Variants in IL1RAPL2 observed in about 807,000 individuals in gnomAD.
IL1RAPL2 encodes the protein X-linked interleukin-1 receptor accessory protein-like 2.
In IL1RAPL2, 3 loss-of-function variants were observed where a neutral mutation model predicts 44.1. The ratio of observed to expected loss-of-function variants is 0.07; its 90% CI spans 0.03 to 0.18. The LOEUF is 0.18. Among genes scored for constraint, IL1RAPL2 ranks in the 10% least tolerant of loss-of-function variants. IL1RAPL2 has a pLI of 1.00. For synonymous variants in IL1RAPL2, 181 were observed against 178.8 expected (o/e 1.01, Z -0.10); for missense variants, 391 against 496.4 (o/e 0.79, Z 2.02).
intron 6 of IL1RAPL2, among the ~76,000 whole-genome samples, chrX:105,697,265 TA>T (rs1247075515): frequency 1.1e-5 from 1 of 95,129 alleles, no homozygotes; most frequent in Non-Finnish European, 2.1e-5. Flanking sequence ...ACATCCAAAC[TA>T]TATCAGTGGC....
At chrX:104,632,869 A>T (rs1929686166) in intron 1 of IL1RAPL2, among the ~76,000 whole-genome samples, 1 of 110,741 alleles carries the variant, frequency 9.0e-6, no homozygotes, top group South Asian at 3.9e-4. Flanking sequence ...CAGAACTTCC[A>T]ACACTATGTT....
At chrX:105,688,222 G>A (rs1299899702) in intron 6 of IL1RAPL2, among the ~76,000 whole-genome samples, 2 of 111,502 alleles carry the variant, frequency 1.8e-5, no homozygotes, top group African/African-American at 3.3e-5. Context: ...TTCTGGCAAG[G>A]GCAATCAGGC....
intron 7 of IL1RAPL2, among the ~76,000 whole-genome samples, chrX:105,738,867 G>A (rs779558638): frequency 1.8e-5 from 2 of 110,491 alleles, no homozygotes; most frequent in Non-Finnish European, 3.8e-5. Context: ...AGAAAATGTT[G>A]CAGAGGGCTT....
At chrX:105,419,115 G>A (rs1191619024) in intron 5 of IL1RAPL2, among the ~76,000 whole-genome samples, 6 of 111,687 alleles carry the variant, frequency 5.4e-5, no homozygotes, top group Admixed American at 3.8e-4. Context: ...CATCTATAAC[G>A]TGCAATTGCT....
intron 2 of IL1RAPL2, among the ~76,000 whole-genome samples, chrX:104,948,289 T>G (rs1356528654): frequency 9.1e-6 from 1 of 109,574 alleles, no homozygotes; most frequent in Non-Finnish European, 1.9e-5. Context: ...CTTTGCTGAA[T>G]TTGCTTATCA....
intron 2 of IL1RAPL2, among the ~76,000 whole-genome samples, chrX:104,752,907 C>T (rs184899104): frequency 7.1e-4 from 78 of 110,076 alleles, no homozygotes; most frequent in Admixed American, 5.5e-3. Context: ...GACCCCTTGA[C>T]CAGGTCATGG....
At chrX:105,386,580 G>A (rs140276755) in intron 5 of IL1RAPL2, among the ~76,000 whole-genome samples, 1,923 of 111,456 alleles carry the variant, frequency 0.017, 41 homozygotes, top group African/African-American at 0.06. Flanking sequence ...TCATCATGAG[G>A]TGATCACCTA....
In IL1RAPL2 at chrX:105,164,094, GAA is replaced by G. The variant is rs5903261; in HGVS notation, c.83-31370_83-31369del. Among the ~76,000 whole-genome samples the G allele has an allele frequency of 6.5e-3, 671 of 102,503 alleles. 7 individuals are homozygous for G. Among genetic ancestry groups the G allele is most frequent in the African/African-American group, 0.021 (604 of 28,274 alleles). 89.0% of individuals were successfully genotyped at this position (102,503 alleles called of 115,157 possible). On this transcript the variant is annotated intron_variant, in intron 2 of 10. Coordinates refer to ENST00000372582, the MANE Select transcript of IL1RAPL2 (RefSeq NM_017416.2). ...CCTAAAATGATTTCAATTGCCTTTG[GAA>G]AAAAAAAAAACAAGCAGAAATCTTG...
At chrX:105,085,521 T>C (rs1022760606) in intron 2 of IL1RAPL2, among the ~76,000 whole-genome samples, 1 of 112,454 alleles carries the variant, frequency 8.9e-6, no homozygotes, top group Non-Finnish European at 1.9e-5. Flanking sequence ...AGGTGAAAGA[T>C]AAATGTTGGC....
intron 5 of IL1RAPL2, among the ~76,000 whole-genome samples, chrX:105,464,611 A>G: frequency 8.9e-6 from 1 of 112,087 alleles, no homozygotes; most frequent in Non-Finnish European, 1.9e-5. Context: ...AAGTAAAATA[A>G]TTATTAACCC....
intron 3 of IL1RAPL2, chrX:105,218,904 T>G: frequency 1.7e-5 from 13 of 771,977 alleles, no homozygotes; most frequent in African/African-American, 2.3e-5. Context: ...AAGCCTGCCC[T>G]CTGAAAATTA....
intron 2 of IL1RAPL2, among the ~76,000 whole-genome samples, chrX:104,674,957 T>C (rs1376886194): frequency 1.8e-5 from 2 of 111,589 alleles, no homozygotes; most frequent in African/African-American, 6.5e-5. Flanking sequence ...CCCTTTATAA[T>C]TTTTTATTGC....
intron 6 of IL1RAPL2, among the ~76,000 whole-genome samples, chrX:105,585,734 ATG>A (rs1405173886): frequency 0.075 from 18 of 241 alleles, no homozygotes; most frequent in Middle Eastern, 0.67. Context: ...CATGGTGTAT[ATG>A]TTACCACATT....
intron 1 of IL1RAPL2, among the ~76,000 whole-genome samples, chrX:104,654,445 G>A (rs895140511): frequency 5.6e-5 from 6 of 108,083 alleles, no homozygotes; most frequent in Non-Finnish European, 7.7e-5. Flanking sequence ...ACACCGTGGG[G>A]AAAAAAAAAT....
At chrX:104,923,283 C>T (rs1414041087) in intron 2 of IL1RAPL2, among the ~76,000 whole-genome samples, 3 of 111,815 alleles carry the variant, frequency 2.7e-5, no homozygotes, top group African/African-American at 9.8e-5. Flanking sequence ...GAGATGCAAA[C>T]ACCCAGATTT....
At chrX:104,675,911 A>G (rs1330342509) in intron 2 of IL1RAPL2, among the ~76,000 whole-genome samples, 1 of 106,027 alleles carries the variant, frequency 9.4e-6, no homozygotes, top group Admixed American at 1.0e-4. Context: ...ATCAGAGACT[A>G]GGATTGCAAC....
chrX:104,913,686 C>T (rs756327981), intron 2 of IL1RAPL2, among the ~76,000 whole-genome samples: 1 of 112,286 alleles, frequency 8.9e-6, no homozygotes, highest in Non-Finnish European at 1.9e-5. Context: ...CCAGCACTCT[C>T]TGATGGTAGC....
chrX:105,672,253 C>A (rs759959509), intron 6 of IL1RAPL2, among the ~76,000 whole-genome samples: 3 of 111,670 alleles, frequency 2.7e-5, no homozygotes, highest in Non-Finnish European at 5.6e-5. Context: ...GTACTATGTT[C>A]TTATTTAAAT....
chrX:105,654,381 C>T (rs1160607157), intron 6 of IL1RAPL2, among the ~76,000 whole-genome samples: 1 of 110,998 alleles, frequency 9.0e-6, no homozygotes, highest in Non-Finnish European at 1.9e-5. Flanking sequence ...TTCTTTTATC[C>T]CCTTTAATCT....
Sources: gnomAD v4.1 joint callset for allele counts (sites outside exome capture counted in the v4.1 genomes callset) on GRCh38, gnomAD v4.1.1 for gene constraint, MANE v1.5 for transcripts, NCBI Gene and HGNC (gene_info 2026-07-23, HGNC 2026-07-21) for gene names.